NRCAM: variants seen among roughly 807,000 people sequenced by gnomAD.
NRCAM encodes NgCAM-related cell adhesion molecule.
In NRCAM, 83 loss-of-function variants were observed where a neutral mutation model predicts 156.5. That is an observed-to-expected ratio of 0.53 (90% CI 0.44 to 0.64). The LOEUF (loss-of-function observed/expected upper bound fraction) is 0.64. Among genes scored for constraint, NRCAM ranks in the 30% least tolerant of loss-of-function variants. The pLI is 0.00. For synonymous variants in NRCAM, 538 were observed against 563.9 expected (o/e 0.95, Z 0.65); for missense variants, 1,417 against 1,597.3 (o/e 0.89, Z 1.92).
At chr7:108,255,622 T>C (rs1393352798) in intron 3 of NRCAM, among the ~76,000 whole-genome samples, 56 of 144,044 alleles carry the variant, frequency 3.9e-4, no homozygotes, top group Admixed American at 1.7e-3. Flanking sequence ...TCTGCCTGGC[T>C]GCCCATCGTC....
intron 3 of NRCAM, among the ~76,000 whole-genome samples, chr7:108,281,857 A>C (rs1225196504): frequency 6.6e-6 from 1 of 152,262 alleles, no homozygotes; most frequent in Non-Finnish European, 1.5e-5. Context: ...GGAGTGTTTC[A>C]GGAATTCAAA....
upstream of NRCAM, chr7:108,456,647 C>G (rs932703851): frequency 6.6e-6 from 1 of 152,202 alleles, no homozygotes; most frequent in Admixed American, 6.5e-5. Context: ...GCCGGCGCCT[C>G]GAGGGACTGG....
At position 108,191,841 on chromosome 7, in the gene NRCAM, G is replaced by A. The variant is rs765668273; in HGVS notation, c.1791C>T (p.Asp597=). The part of the protein sequence containing the change: ...ELPSDERFTV[D]KDHLVVADVS... ...CATCAGCTACCACTAGATGATCCTT[G>A]TCAACAGTGAACCTGTGGATAGAAT... is the stretch of plus-strand genomic sequence containing the variant. Residue 597 remains aspartate, a synonymous_variant, in exon 18 of 33, where the codon GAC becomes GAT. Transcript: ENST00000379028. The A allele has an allele frequency of 6.2e-7, 1 of 1,613,514 alleles. No individual in the cohort carries two copies. Among genetic ancestry groups the A allele is most frequent in the South Asian group, 1.1e-5 (1 of 91,048 alleles).
chr7:108,318,267 G>T (rs888037775), intron 2 of NRCAM, among the ~76,000 whole-genome samples: 1 of 151,700 alleles, frequency 6.6e-6, no homozygotes, highest in Non-Finnish European at 1.5e-5. Context: ...GGATGGTCTC[G>T]ATCTCCTGAC....
At chr7:108,317,912 A>T (rs1428899366) in intron 2 of NRCAM, among the ~76,000 whole-genome samples, 20 of 147,902 alleles carry the variant, frequency 1.4e-4, no homozygotes, top group African/African-American at 5.1e-5. Context: ...CAGTCCCAGA[A>T]AAAAAAAAAA....
At position 108,189,632 on chromosome 7, in the gene NRCAM, T is replaced by G; in HGVS notation, c.2035+13A>C. 9.2e-7 allele frequency: 1 copy of G among 1,086,406 alleles called. No homozygotes were observed. Among genetic ancestry groups the G allele is most frequent in the Non-Finnish European group, 1.4e-6 (1 of 702,014 alleles). The allele number at this position is 1,086,406 out of a possible 1,614,324, so 67.3% of individuals were successfully genotyped here. A position where few individuals can be genotyped will look rare whatever the true frequency, so the allele number is the denominator to read the frequency against. On this transcript the variant is annotated intron_variant, in intron 20 of 32. Transcript: ENST00000379028. ...TTTAGTTGATCGGAAATAGAGCAAA[T>G]AATACCACATACTTGTAATGGGGCT...
chr7:108,239,408 G>C (rs2095377938), intron 4 of NRCAM, among the ~76,000 whole-genome samples: 1 of 152,088 alleles, frequency 6.6e-6, no homozygotes, highest in Non-Finnish European at 1.5e-5. Flanking sequence ...CTTATATTTA[G>C]GATTCAAAAT....
intron 3 of NRCAM, among the ~76,000 whole-genome samples, chr7:108,296,880 T>C (rs1459571910): frequency 7.9e-5 from 12 of 152,200 alleles, no homozygotes; most frequent in Non-Finnish European, 1.6e-4. Flanking sequence ...CCCTATACCA[T>C]TACAGAAAAT....
rs980908091 is a variant in NRCAM, at chr7:108,385,666, GGA to G, written c.-174+13768_-174+13769del. On this transcript the variant is annotated intron_variant, in intron 2 of 32. Transcript: ENST00000379028. ...GATTAGTTCAATAATTAGAAAGGAG[GGA>G]GTCCTGGAATACCAGGGTAAGGACT... Among the ~76,000 whole-genome samples, 82 of 152,234 alleles carry G rather than the reference GGA, an allele frequency of 5.4e-4. 1 individual carries two copies. The highest frequency in any genetic ancestry group is 2.0e-3 in the African/African-American group (81 of 41,538).
chr7:108,201,993 A>AAAATCACT (rs2078420134), intron 13 of NRCAM, among the ~76,000 whole-genome samples: 2 of 152,190 alleles, frequency 1.3e-5, no homozygotes, highest in Admixed American at 1.3e-4. Context: ...GACACAGAGT[A>AAAATCACT]AAATCACTAA....
intron 2 of NRCAM, among the ~76,000 whole-genome samples, chr7:108,384,105 A>T (rs1167931184): frequency 6.6e-6 from 1 of 152,178 alleles, no homozygotes; most frequent in African/African-American, 2.4e-5. Flanking sequence ...TTGATCTGGG[A>T]GGGTGGGAGG....
intron 8 of NRCAM, among the ~76,000 whole-genome samples, chr7:108,227,855 TAA>T (rs2093724382): frequency 6.6e-6 from 1 of 152,160 alleles, no homozygotes; most frequent in Non-Finnish European, 1.5e-5. Context: ...AAATTATGGT[TAA>T]AAGTCTGGAG....
rs7784918 is a variant in NRCAM at position 108,228,273 on chromosome 7, G to A, written c.551-1895C>T. On this transcript the variant is annotated intron_variant, in intron 8 of 32. Transcript: ENST00000379028. ...GGAGGCAGAGGCTGCAGTGAGCTGA[G>A]ATTGTGCCACTGCACTCCAGCCTGG... Among the ~76,000 whole-genome samples the A allele has an allele frequency of 4.8e-3, 728 of 152,060 alleles. 13 individuals are homozygous for A. Among genetic ancestry groups the A allele is most frequent in the African/African-American group, 0.015 (640 of 41,480 alleles).
intron 1 of NRCAM, among the ~76,000 whole-genome samples, chr7:108,409,752 CT>C (rs1356771044): frequency 6.6e-6 from 1 of 152,088 alleles, no homozygotes; most frequent in African/African-American, 2.4e-5. Flanking sequence ...AAAATTTCCC[CT>C]GGCAAAAAAA....
At chr7:108,377,329 A>G (rs373590150) in intron 2 of NRCAM, among the ~76,000 whole-genome samples, 44 of 152,200 alleles carry the variant, frequency 2.9e-4, no homozygotes, top group African/African-American at 1.1e-3. Flanking sequence ...ACACTTGGGA[A>G]CCTGGTTTGC....
At chr7:108,372,719 G>A (rs942405030) in intron 2 of NRCAM, among the ~76,000 whole-genome samples, 2 of 152,144 alleles carry the variant, frequency 1.3e-5, no homozygotes, top group South Asian at 2.1e-4. Context: ...TGGCATGGAC[G>A]TGGAGAAACT....
At chr7:108,183,294 T>TTC (rs1554520454) in intron 22 of NRCAM, among the ~76,000 whole-genome samples, 1 of 151,798 alleles carries the variant, frequency 6.6e-6, no homozygotes, top group Admixed American at 6.5e-5. Context: ...GATGGAAACT[T>TTC]AGACTGTTTT....
At chr7:108,376,182 C>T (rs563726317) in intron 2 of NRCAM, among the ~76,000 whole-genome samples, 18 of 152,282 alleles carry the variant, frequency 1.2e-4, no homozygotes, top group Middle Eastern at 3.4e-3. Context: ...CAAGGGGCAG[C>T]CATGTGATCC....
intron 32 of NRCAM, 30 bp downstream of exon 32, chr7:108,159,433 A>ATC (rs754666186): frequency 6.4e-7 from 1 of 1,572,272 alleles, no homozygotes; most frequent in Non-Finnish European, 8.8e-7. Context: ...GTGGGCAGAG[A>ATC]AGATGAAGAG....
Sources: gnomAD v4.1 joint callset for allele counts (sites outside exome capture counted in the v4.1 genomes callset) on GRCh38, gnomAD v4.1.1 for gene constraint, MANE v1.5 for transcripts, NCBI Gene and HGNC (gene_info 2026-07-23, HGNC 2026-07-21) for gene names.